The following MEI4 variants were observed in gnomAD, a reference collection of about 807,000 sequenced individuals.
MEI4 encodes meiosis-specific protein MEI4.
A neutral mutation model predicts 31.4 loss-of-function variants in MEI4; 27 were observed. The observed-to-expected ratio is 0.86, with a 90% CI of 0.63 to 1.19. The LOEUF (loss-of-function observed/expected upper bound fraction) is 1.19, where lower values mean the gene tolerates loss of function less well. Ranked by LOEUF, MEI4 falls within the 50% of genes most tolerant of loss-of-function variation. MEI4 has a pLI of 0.00. For synonymous variants in MEI4, 122 were observed against 145.4 expected (o/e 0.84, Z 1.16); for missense variants, 329 against 398.9 (o/e 0.82, Z 1.49).
At chr6:77,918,117 A>G (rs1184734867) in intron 4 of MEI4, among the ~76,000 whole-genome samples, 8 of 149,682 alleles carry the variant, frequency 5.3e-5, no homozygotes, top group Admixed American at 4.7e-4. Flanking sequence ...GTTCTGTTCC[A>G]TTGATCTATA....
chr6:77,690,464 A>G (rs1268281194), intron 1 of MEI4, among the ~76,000 whole-genome samples, 194 bp from the exon 2 acceptor site: 1 of 151,962 alleles, frequency 6.6e-6, no homozygotes, highest in Non-Finnish European at 1.5e-5. Flanking sequence ...TTTAATATGC[A>G]TGTGTGTGTA....
intron 1 of MEI4, 115 bp from the exon 2 acceptor site, chr6:77,690,543 A>C: frequency 2.2e-6 from 1 of 460,862 alleles, no homozygotes; most frequent in East Asian, 3.6e-5. Flanking sequence ...CTTGGTGCCA[A>C]GTCTTATTAT....
In MEI4 at chr6:77,926,138, C is replaced by G. The variant is rs1430505453; in HGVS notation, c.*2792C>G. 6.6e-6 allele frequency: 1 copy of G among 151,948 alleles called. No individual in the cohort carries two copies. The highest frequency in any genetic ancestry group is 2.4e-5 in the African/African-American group (1 of 41,396). 9.4% of individuals were successfully genotyped at this position (151,948 alleles called of 1,614,324 possible). On this transcript the variant is annotated 3_prime_UTR_variant, in exon 5 of 5. Coordinates refer to ENST00000684080, the MANE Select transcript of MEI4 (RefSeq NM_001322247.2). ...CTCTCCTGGCACTTCAGTAAACTTT[C>G]ACAAACACAGCTTCTTTGCAATTGT...
At chr6:77,802,908 T>C (rs1769309964) in intron 3 of MEI4, among the ~76,000 whole-genome samples, 2 of 152,214 alleles carry the variant, frequency 1.3e-5, no homozygotes, top group Admixed American at 1.3e-4. Context: ...CTTAACATTT[T>C]TTCCTTCATT....
chr6:77,727,354 G>T (rs1289452372), intron 2 of MEI4, among the ~76,000 whole-genome samples: 3 of 152,144 alleles, frequency 2.0e-5, no homozygotes, highest in Non-Finnish European at 1.5e-5. Context: ...AAGATTAAAG[G>T]GGATTTTATG....
intron 4 of MEI4, among the ~76,000 whole-genome samples, chr6:77,912,997 T>A (rs1766464857): frequency 6.6e-6 from 1 of 152,126 alleles, no homozygotes; most frequent in Non-Finnish European, 1.5e-5. Flanking sequence ...CTATGACTAG[T>A]TTATTGAACT....
chr6:77,650,351 C>G (rs927331543), upstream of MEI4, among the ~76,000 whole-genome samples: 1 of 152,182 alleles, frequency 6.6e-6, no homozygotes, highest in African/African-American at 2.4e-5. Context: ...CAGAAGGGGT[C>G]GAGTCGGCCG....
rs375883143 is a variant in MEI4, at chr6:77,868,516, T to TATATATATATATATATAA, written c.900+39466_900+39467insATATAAATATATATATAT. The stretch of plus-strand genomic sequence containing the variant: ...AAAAAATACTACATATATATATATA[T>TATATATATATATATATAA]ATATATATATATGCAGATTTCAAGT... On this transcript the variant is annotated intron_variant, in intron 4 of 4. Transcript: ENST00000684080. 5.2e-5 allele frequency among the ~76,000 whole-genome samples: 7 copies of TATATATATATATATATAA among 133,786 alleles called. 1 individual carries two copies. The highest frequency in any genetic ancestry group is 1.5e-4 in the Admixed American group (2 of 13,122). 87.8% of individuals were successfully genotyped at this position (133,786 alleles called of 152,430 possible). A position where few individuals can be genotyped will look rare whatever the true frequency, so the allele number is the denominator to read the frequency against.
chr6:77,829,114 G>A, intron 4 of MEI4, 52 bp downstream of exon 4: 8 of 1,181,062 alleles, frequency 6.8e-6, no homozygotes, highest in Non-Finnish European at 8.5e-6. Flanking sequence ...GTAACTATAT[G>A]TTTTTCTTTC....
chr6:77,735,132 G>C (rs1328363836), intron 2 of MEI4, among the ~76,000 whole-genome samples: 2 of 151,854 alleles, frequency 1.3e-5, no homozygotes, highest in African/African-American at 2.4e-5. Context: ...TCTTCTCGAG[G>C]AGTATCTTTG....
intron 1 of MEI4, among the ~76,000 whole-genome samples, chr6:77,659,724 A>G (rs1768466314): frequency 6.6e-6 from 1 of 152,158 alleles, no homozygotes; most frequent in African/African-American, 2.4e-5. Flanking sequence ...GTTTGTCAGT[A>G]TTGATAGAGG....
At chr6:77,840,727 A>C (rs1263712080) in intron 4 of MEI4, among the ~76,000 whole-genome samples, 1 of 152,180 alleles carries the variant, frequency 6.6e-6, no homozygotes, top group African/African-American at 2.4e-5. Flanking sequence ...CATTACCAAA[A>C]AAATGAACAT....
intron 3 of MEI4, among the ~76,000 whole-genome samples, chr6:77,800,021 A>G (rs1769203123): frequency 6.6e-6 from 1 of 152,112 alleles, no homozygotes; most frequent in Non-Finnish European, 1.5e-5. Flanking sequence ...GTTTTTTCCA[A>G]TTCTGTGAAG....
At chr6:77,853,026 C>G (rs578194283) in intron 4 of MEI4, among the ~76,000 whole-genome samples, 1 of 152,198 alleles carries the variant, frequency 6.6e-6, no homozygotes, top group South Asian at 2.1e-4. Flanking sequence ...TGGAAAAACT[C>G]CTTCTCTACT....
chr6:77,698,616 A>G (rs553295270), intron 2 of MEI4, among the ~76,000 whole-genome samples: 14 of 152,352 alleles, frequency 9.2e-5, no homozygotes, highest in Admixed American at 5.2e-4. Context: ...TCTGGCTTAT[A>G]GAGTTTCTGC....
chr6:77,701,144 CTT>C, intron 2 of MEI4, among the ~76,000 whole-genome samples: 1 of 152,074 alleles, frequency 6.6e-6, no homozygotes, highest in South Asian at 2.1e-4. Flanking sequence ...TATAGAATCT[CTT>C]TTTAAATTTA....
At chr6:77,668,804 A>T (rs1289414931) in intron 1 of MEI4, among the ~76,000 whole-genome samples, 1 of 152,190 alleles carries the variant, frequency 6.6e-6, no homozygotes, top group African/African-American at 2.4e-5. Flanking sequence ...TCTTTTCTAT[A>T]ATCTATCATA....
At chr6:77,697,166 T>C (rs1178000307) in intron 2 of MEI4, among the ~76,000 whole-genome samples, 2 of 152,198 alleles carry the variant, frequency 1.3e-5, no homozygotes, top group African/African-American at 4.8e-5. Flanking sequence ...TTTTCTTCTT[T>C]ATTAGTGTTG....
chr6:77,908,580 A>G lies in MEI4; in HGVS notation c.901-14509A>G, dbSNP rs531492034. On this transcript the variant is annotated intron_variant, in intron 4 of 4. Transcript: ENST00000684080. ...GTAGTATAGTTTGAAGTCAGGTAGCATGATGCCTCCAGCTTTGTTCTTTTG... is the reference window on the plus strand; with the variant it reads ...GTAGTATAGTTTGAAGTCAGGTAGCGTGATGCCTCCAGCTTTGTTCTTTTG... Among the ~76,000 whole-genome samples the G allele has an allele frequency of 1.1e-4, 17 of 152,130 alleles. No individual in the cohort carries two copies. The South Asian group carries it at 3.3e-3, about 30-fold the overall frequency.
Sources: gnomAD v4.1 joint callset for allele counts (sites outside exome capture counted in the v4.1 genomes callset) on GRCh38, gnomAD v4.1.1 for gene constraint, MANE v1.5 for transcripts, NCBI Gene and HGNC (gene_info 2026-07-23, HGNC 2026-07-21) for gene names.